Variants in ZC3H3 observed in about 807,000 individuals in gnomAD.
The protein encoded by ZC3H3 is zinc finger CCCH domain-containing protein 3.
In ZC3H3, 36 loss-of-function variants were observed where a neutral mutation model predicts 77.3. That is an observed-to-expected ratio of 0.47 (90% confidence interval 0.36 to 0.61). The LOEUF (loss-of-function observed/expected upper bound fraction) is 0.61. Ranked by LOEUF, ZC3H3 falls within the 20% of genes least tolerant of loss-of-function variation. The pLI is 0.00. For synonymous variants in ZC3H3, 626 were observed against 555.2 expected (o/e 1.13, Z -1.79); for missense variants, 1,331 against 1,312.2 (o/e 1.01, Z -0.22).
intron 5 of ZC3H3, 47 bp from the exon 6 acceptor site, chr8:143,468,706 G>A (rs759492968): frequency 8.2e-5 from 125 of 1,526,570 alleles, no homozygotes; most frequent in East Asian, 1.2e-4. Flanking sequence ...AGCCTGGCCC[G>A]CACGCCCTTT....
chr8:143,517,265 C>CT (rs1051161441), intron 3 of ZC3H3, among the ~76,000 whole-genome samples: 10 of 152,210 alleles, frequency 6.6e-5, no homozygotes, highest in African/African-American at 2.4e-4. Context: ...TTCCTCCCCT[C>CT]TTCCCCACGG....
At chr8:143,541,328 G>A in intron 1 of ZC3H3, 48 bp downstream of exon 1, 1 of 1,603,458 alleles carries the variant, frequency 6.2e-7, no homozygotes. Context: ...CCGCCGCGAG[G>A]TGAGGGGGAA....
Position 143,530,648 on chromosome 8 carries a change from A to G in ZC3H3, c.1561+5609T>C, listed in dbSNP as rs1265803404. On this transcript the variant is annotated intron_variant, in intron 3 of 11. Transcript: ENST00000262577. This position sits in a 1 kb window ranked among gnomAD's most constrained non-coding sequence, Gnocchi z 4.3. ...CTGTCATCTCAGGGTGGCCGAGCAC[A>G]GCGACGGGCCCCAGGAGGATGTACC... Among the ~76,000 whole-genome samples, 14 of 152,090 alleles carry G rather than the reference A, an allele frequency of 9.2e-5. No homozygotes were observed. Among genetic ancestry groups the G allele is most frequent in the Admixed American group, 1.3e-4 (2 of 15,268 alleles).
At chr8:143,488,381 GC>G in intron 4 of ZC3H3, among the ~76,000 whole-genome samples, 2 of 100,954 alleles carry the variant, frequency 2.0e-5, no homozygotes, top group Non-Finnish European at 1.9e-5. Flanking sequence ...TCACCACGAA[GC>G]TCACACACAG....
intron 4 of ZC3H3, among the ~76,000 whole-genome samples, chr8:143,498,435 T>A (rs1821415906): frequency 6.6e-6 from 1 of 152,070 alleles, no homozygotes; most frequent in Admixed American, 6.5e-5. Flanking sequence ...TGTGGCCCGC[T>A]CACCGGTCAT....
chr8:143,489,531 AGCAGCCTCC>A (rs1008792453), intron 4 of ZC3H3, among the ~76,000 whole-genome samples: 1 of 152,124 alleles, frequency 6.6e-6, no homozygotes, highest in Non-Finnish European at 1.5e-5. Context: ...GCTGGCTGGA[AGCAGCCTCC>A]GCAGGCAAGG....
At chr8:143,511,698 C>T (rs547747552) in intron 3 of ZC3H3, among the ~76,000 whole-genome samples, 15 of 152,354 alleles carry the variant, frequency 9.8e-5, no homozygotes, top group Admixed American at 7.8e-4. Context: ...CCCAGGCCAG[C>T]ATCCACCAGC....
intron 3 of ZC3H3, chr8:143,523,386 G>T: frequency 1.0e-6 from 1 of 985,474 alleles, no homozygotes; most frequent in South Asian, 4.7e-5. Context: ...ATGCTGCCGC[G>T]ACGCCCCTGC....
At chr8:143,486,581 A>G (rs1563855129) in intron 4 of ZC3H3, among the ~76,000 whole-genome samples, 1 of 152,210 alleles carries the variant, frequency 6.6e-6, no homozygotes, top group African/African-American at 2.4e-5. Context: ...GTTTCCATCT[A>G]TGAACTTGGT....
chr8:143,474,928 G>A (rs969811660), intron 5 of ZC3H3, among the ~76,000 whole-genome samples: 3 of 152,218 alleles, frequency 2.0e-5, no homozygotes, highest in Non-Finnish European at 2.9e-5. Context: ...GCGGCCCCAG[G>A]TGTGCGCTCG....
Position 143,475,866 on chromosome 8 carries a change from C to T in ZC3H3, c.1716-281G>A, listed in dbSNP as rs535981455. Among the ~76,000 whole-genome samples, 16 of 152,322 alleles carry T rather than the reference C, an allele frequency of 1.1e-4. No homozygotes were observed. The East Asian group carries it at 3.1e-3, about 29-fold the overall frequency. Reference sequence around the variant, plus strand: ...GAGGTGGCGCCCCCGACCCCACCCACGAGGCTGGGAACTCATGCGCCCCTA... The same window carrying T: ...GAGGTGGCGCCCCCGACCCCACCCATGAGGCTGGGAACTCATGCGCCCCTA... On this transcript the variant is annotated intron_variant, in intron 4 of 11. Transcript: ENST00000262577.
chr8:143,445,865 CAAG>C (rs1386804615), intron 9 of ZC3H3, among the ~76,000 whole-genome samples: 1 of 152,086 alleles, frequency 6.6e-6, no homozygotes, highest in Non-Finnish European at 1.5e-5. Context: ...TTTAACCTGA[CAAG>C]AAAAATCTAA....
chr8:143,510,915 C>T (rs374029580), intron 3 of ZC3H3, among the ~76,000 whole-genome samples: 1 of 152,212 alleles, frequency 6.6e-6, no homozygotes, highest in Admixed American at 6.5e-5. Context: ...TGCCCCGGCC[C>T]GCGTTATCAG....
chr8:143,514,428 G>A (rs562365072), intron 3 of ZC3H3, among the ~76,000 whole-genome samples: 33 of 152,322 alleles, frequency 2.2e-4, no homozygotes, highest in Admixed American at 1.6e-3. Context: ...GCCTCCCAGC[G>A]TCCACTCGGT....
chr8:143,459,319 G>A (rs1335668729), intron 9 of ZC3H3, among the ~76,000 whole-genome samples: 9 of 152,012 alleles, frequency 5.9e-5, no homozygotes, highest in Admixed American at 2.6e-4. Flanking sequence ...AGGCCAAGGC[G>A]GGCTGATCAC....
chr8:143,530,375 G>T lies in ZC3H3; in HGVS notation c.1561+5882C>A, dbSNP rs61380234. Among the ~76,000 whole-genome samples the T allele has an allele frequency of 6.6e-6, 1 of 152,148 alleles. No homozygotes were observed. Among genetic ancestry groups the T allele is most frequent in the African/African-American group, 2.4e-5 (1 of 41,414 alleles). Reference sequence around the variant, plus strand: ...CCATCCTGGGTGGGTGAAGCAGAGAGGGCCCTCCCACTCCAGCAGATGACG... The same window carrying T: ...CCATCCTGGGTGGGTGAAGCAGAGATGGCCCTCCCACTCCAGCAGATGACG... On this transcript the variant is annotated intron_variant, in intron 3 of 11. Coordinates refer to ENST00000262577, the MANE Select transcript of ZC3H3 (RefSeq NM_015117.3). The surrounding 1 kb of genome is among the most constrained non-coding windows in gnomAD (Gnocchi z 4.3).
At chr8:143,474,771 A>G (rs12547588) in intron 5 of ZC3H3, among the ~76,000 whole-genome samples, 35,070 of 152,058 alleles carry the variant, frequency 0.23, 4,294 homozygotes, top group Non-Finnish European at 0.28. Flanking sequence ...AAACCAAAAT[A>G]TTTTTCTAGT....
chr8:143,502,859 G>C (rs1821567311), intron 4 of ZC3H3, among the ~76,000 whole-genome samples: 1 of 152,186 alleles, frequency 6.6e-6, no homozygotes, highest in South Asian at 2.1e-4. Flanking sequence ...TCGCACCCCT[G>C]CATTCCAGGC....
intron 3 of ZC3H3, chr8:143,523,460 T>C (rs546840367): frequency 1.0e-6 from 1 of 985,302 alleles, no homozygotes; most frequent in African/African-American, 1.7e-5. Flanking sequence ...TTTGCAGCCA[T>C]CTTGGAAGAC....
Sources: gnomAD v4.1 joint callset for allele counts (sites outside exome capture counted in the v4.1 genomes callset) on GRCh38, gnomAD v4.1.1 for gene constraint, Gnocchi (gnomAD v3.1) non-coding constraint, MANE v1.5 for transcripts, NCBI Gene and HGNC (gene_info 2026-07-23, HGNC 2026-07-21) for gene names.